The following DDX46 variants were observed in gnomAD, a reference collection of about 807,000 sequenced individuals.
DDX46 encodes the protein probable ATP-dependent RNA helicase DDX46.
DDX46 carries 30 observed loss-of-function variants against 134.9 expected under a neutral mutation model. The observed-to-expected ratio is 0.22, with a 90% CI of 0.17 to 0.30. DDX46 has a LOEUF of 0.30. DDX46 is among the 10% of genes least tolerant of loss of function. The pLI is 1.00. For missense variants in DDX46, 622 were observed against 1,248.7 expected (o/e 0.50, Z 7.56); for synonymous variants, 415 against 404.1 (o/e 1.03, Z -0.32).
Position 134,782,061 on chromosome 5 carries a change from A to G in DDX46, c.1020A>G (p.Pro340=). 6.3e-7 allele frequency: 1 copy of G among 1,589,872 alleles called. No individual in the cohort carries two copies. Among genetic ancestry groups the G allele is most frequent in the South Asian group, 1.1e-5 (1 of 87,082 alleles). Residue 340 remains proline (P), a synonymous_variant, in exon 8 of 23, where the codon CCA becomes CCG. Coordinates refer to ENST00000452510, the MANE Select transcript of DDX46 (RefSeq NM_001300860.2). ...PFRKNFYVEV[P]ELAKMSQEEV... ...GGAAAAACTTCTATGTTGAAGTTCC[A>G]GAACTAGCAAAAATGTCTCAAGAAG...
At chr5:134,772,785 CATGAGCCACCGT>C (rs1331426211) in intron 4 of DDX46, among the ~76,000 whole-genome samples, 3 of 152,214 alleles carry the variant, frequency 2.0e-5, no homozygotes, top group Non-Finnish European at 4.4e-5. Context: ...GAATTACAAG[CATGAGCCACCGT>C]ATCTGGCCTA....
At chr5:134,773,932 G>A (rs951896000) in intron 5 of DDX46, 71 bp downstream of exon 5, 13 of 1,371,112 alleles carry the variant, frequency 9.5e-6, no homozygotes, top group Non-Finnish European at 1.3e-5. Flanking sequence ...TTTCATAAGG[G>A]GTTTTTAATC....
chr5:134,782,644 G>C (rs1178668225), intron 8 of DDX46, among the ~76,000 whole-genome samples: 5 of 151,844 alleles, frequency 3.3e-5, no homozygotes. Flanking sequence ...AGGCTCAGGT[G>C]ATCTTCCTAT....
At chr5:134,778,020 CTTT>C (rs558645191) in intron 6 of DDX46, 695 of 150,596 alleles carry the variant, frequency 4.6e-3, no homozygotes, top group Middle Eastern at 0.012. Context: ...CTTTGATACT[CTTT>C]TTTTTTTTTT....
At chr5:134,798,333 G>T (rs1301061443) in intron 15 of DDX46, among the ~76,000 whole-genome samples, 3 of 151,886 alleles carry the variant, frequency 2.0e-5, no homozygotes, top group African/African-American at 7.3e-5. Context: ...CAAGTTGCTG[G>T]GACTATAGGT....
At position 134,796,008 on chromosome 5, in the gene DDX46, G is replaced by T. The variant is rs1394383770; in HGVS notation, c.1812G>T (p.Lys604Asn). 1.9e-6 allele frequency: 3 copies of T among 1,613,008 alleles called. No individual in the cohort carries two copies. The highest frequency in any genetic ancestry group is 2.5e-6 in the Non-Finnish European group (3 of 1,179,726). ...TTCAGATTGTGATTGAAGAAGAAAA[G>T]AAATTCTTGAAGTTACTTGAGCTTC... Reference protein sequence around the residue: ...EQQVIVIEEEKKFLKLLELLG... With the variant: ...EQQVIVIEEENKFLKLLELLG... Residue 604 changes from lysine (K) to asparagine (N), a missense_variant, in exon 15 of 23, where the codon AAG becomes AAT. Lys to Asn is a moderately conservative substitution (Grantham distance 94, BLOSUM62 0). Around this residue, in one of 8 missense-constraint regions of DDX46, gnomAD observed 209 missense variants for 508.4 expected, o/e 0.41. Transcript: ENST00000452510.
chr5:134,791,311 A>G (rs1754496408), intron 13 of DDX46, among the ~76,000 whole-genome samples: 1 of 152,192 alleles, frequency 6.6e-6, no homozygotes, highest in South Asian at 2.1e-4. Context: ...AGTGATACAC[A>G]TTTATAGGAA....
In DDX46 at chr5:134,770,885, C is replaced by G. The variant is rs1039134524; in HGVS notation, c.351-18C>G. 10 of 1,553,274 alleles carry G rather than the reference C, an allele frequency of 6.4e-6. No homozygotes were observed. Among genetic ancestry groups the G allele is most frequent in the East Asian group, 2.3e-5 (1 of 43,106 alleles). On this transcript the variant is annotated intron_variant, in intron 3 of 22. Transcript: ENST00000452510. ...CAAATGAATGACATTTCTCTTGTCTCTTTTATTTTTTTGGTAGATCTAGGT... is the reference window on the plus strand; with the variant it reads ...CAAATGAATGACATTTCTCTTGTCTGTTTTATTTTTTTGGTAGATCTAGGT...
chr5:134,795,958 C>A, intron 14 of DDX46, 30 bp from the exon 15 acceptor site: 1 of 1,597,944 alleles, frequency 6.3e-7, no homozygotes, highest in Non-Finnish European at 8.5e-7. Context: ...ATTTTCACTT[C>A]ATTAACTTGA....
At chr5:134,788,380 C>A in intron 11 of DDX46, 133 bp from the exon 12 acceptor site, 3 of 615,342 alleles carry the variant, frequency 4.9e-6, no homozygotes, top group Non-Finnish European at 8.3e-6. Context: ...TTTAGTAGTG[C>A]CCCGAGATTC....
intron 11 of DDX46, 28 bp downstream of exon 11, chr5:134,785,614 T>C: frequency 6.4e-7 from 1 of 1,572,510 alleles, no homozygotes; most frequent in Non-Finnish European, 8.6e-7. Flanking sequence ...ATTCATGTTT[T>C]CCATTCTTTT....
intron 7 of DDX46, 24 bp downstream of exon 7, chr5:134,781,270 T>G: frequency 6.5e-7 from 1 of 1,546,272 alleles, no homozygotes; most frequent in South Asian, 1.2e-5. Flanking sequence ...ATTTTGACTT[T>G]GTTTATGATA....
intron 11 of DDX46, among the ~76,000 whole-genome samples, chr5:134,787,008 G>C (rs1357005666): frequency 1.3e-5 from 2 of 151,976 alleles, no homozygotes; most frequent in Non-Finnish European, 2.9e-5. Context: ...CTGCATCCTT[G>C]ACCTCCTGGG....
chr5:134,807,643 G>A, intron 15 of DDX46, 105 bp from the exon 16 acceptor site: 2 of 919,046 alleles, frequency 2.2e-6, no homozygotes, highest in East Asian at 2.6e-5. Flanking sequence ...CTATATTTTA[G>A]GAGTTGGATG....
intron 5 of DDX46, among the ~76,000 whole-genome samples, chr5:134,775,969 C>T (rs538696091): frequency 6.6e-6 from 1 of 152,272 alleles, no homozygotes; most frequent in East Asian, 1.9e-4. Flanking sequence ...TTTTACTCCC[C>T]AGAAACTAAG....
intron 19 of DDX46, 88 bp downstream of exon 19, chr5:134,816,694 A>T: frequency 7.7e-7 from 1 of 1,290,952 alleles, no homozygotes; most frequent in Non-Finnish European, 1.1e-6. Flanking sequence ...ACAAGTAAAC[A>T]AGTTGTCCTA....
chr5:134,808,959 A>G (rs1241471018), intron 16 of DDX46, among the ~76,000 whole-genome samples: 1 of 152,184 alleles, frequency 6.6e-6, no homozygotes, highest in Non-Finnish European at 1.5e-5. Flanking sequence ...TACATATATA[A>G]TGTCATTTTA....
intron 21 of DDX46, among the ~76,000 whole-genome samples, chr5:134,820,790 C>G (rs1034654081): frequency 6.6e-6 from 1 of 151,670 alleles, no homozygotes; most frequent in Non-Finnish European, 1.5e-5. Context: ...AAATTTCTAG[C>G]TGTAAATGCC....
intron 15 of DDX46, among the ~76,000 whole-genome samples, chr5:134,800,388 A>G (rs1754790663): frequency 6.6e-6 from 1 of 152,166 alleles, no homozygotes; most frequent in East Asian, 1.9e-4. Context: ...AGATTGATCC[A>G]TGTTGTTGCA....
Sources: gnomAD v4.1 joint callset for allele counts (sites outside exome capture counted in the v4.1 genomes callset) on GRCh38, gnomAD v4.1.1 for gene constraint, gnomAD v4.1.1 regional missense constraint, MANE v1.5 for transcripts, NCBI Gene and HGNC (gene_info 2026-07-23, HGNC 2026-07-21) for gene names.